ABI3BP: variants seen among roughly 807,000 people sequenced by gnomAD.
ABI3BP encodes ABI family member 3 binding protein.
A neutral mutation model predicts 268.6 loss-of-function variants in ABI3BP; 216 were observed. The observed-to-expected ratio is 0.80, with a 90% CI of 0.72 to 0.90. The LOEUF is 0.90. Among genes scored for constraint, ABI3BP ranks in the 40% least tolerant of loss-of-function variants. ABI3BP has a pLI of 0.00. For missense variants in ABI3BP, 2,090 were observed against 2,182.4 expected, an observed-to-expected ratio of 0.96 and a Z score of 0.84; for synonymous variants, 730 against 730.0, an observed-to-expected ratio of 1.00 and a Z score of 0.00.
chr3:100,826,159 G>A lies in ABI3BP; in HGVS notation c.2603-315C>T, dbSNP rs527662941. Among the ~76,000 whole-genome samples, 185 of 152,286 alleles carry A rather than the reference G, an allele frequency of 1.2e-3. 1 individual carries two copies. Among genetic ancestry groups the A allele is most frequent in the Non-Finnish European group, 3.7e-4 (25 of 68,006 alleles). On this transcript the variant is annotated intron_variant, in intron 34 of 67. Coordinates refer to ENST00000471714, the MANE Select transcript of ABI3BP (RefSeq NM_001375547.2). Reference sequence around the variant, plus strand: ...CATGAGCTGCACACACAGAGGAAAGGCCATGTGAGGATACAGTGAGAAGGT... The same window carrying A: ...CATGAGCTGCACACACAGAGGAAAGACCATGTGAGGATACAGTGAGAAGGT...
chr3:100,789,255 A>G (rs2097133057), intron 56 of ABI3BP, among the ~76,000 whole-genome samples, 199 bp downstream of exon 56: 1 of 152,066 alleles, frequency 6.6e-6, no homozygotes. Flanking sequence ...TCTGCATCTG[A>G]TTATCCTCAA....
rs555131947 is a variant in ABI3BP at position 100,836,789 on chromosome 3, C to T, written c.2131+335G>A. Reference sequence around the variant, plus strand: ...TCCAACCAGCTTTTTCATTGCTCCCCTCCCACATCCATAAATTGTACCCAC... The same window carrying T: ...TCCAACCAGCTTTTTCATTGCTCCCTTCCCACATCCATAAATTGTACCCAC... On this transcript the variant is annotated intron_variant, in intron 27 of 67. Coordinates refer to ENST00000471714, the MANE Select transcript of ABI3BP (RefSeq NM_001375547.2). Among the ~76,000 whole-genome samples, 7 of 152,286 alleles carry T rather than the reference C, an allele frequency of 4.6e-5. No individual in the cohort carries two copies. In the Middle Eastern group the frequency reaches 0.017, roughly 370 times the overall value.
intron 1 of ABI3BP, among the ~76,000 whole-genome samples, chr3:100,938,256 TC>T (rs1447251898): frequency 1.3e-5 from 2 of 150,828 alleles, no homozygotes; most frequent in Non-Finnish European, 2.9e-5. Context: ...GACATGAGTT[TC>T]CCTATATAAC....
At position 100,929,868 on chromosome 3, in the gene ABI3BP, G is replaced by C. The variant is rs537309576; in HGVS notation, c.80-3387C>G. ...TTGACTCTTTCAGTGTCAGCAAAAA[G>C]GTTAAGCAAGTTTTTTTTTCCTTCA... On this transcript the variant is annotated intron_variant, in intron 1 of 67. Coordinates refer to ENST00000471714, the MANE Select transcript of ABI3BP (RefSeq NM_001375547.2). Among the ~76,000 whole-genome samples the C allele has an allele frequency of 3.3e-4, 50 of 151,982 alleles. 1 individual carries two copies. Among genetic ancestry groups the C allele is most frequent in the African/African-American group, 1.1e-3 (46 of 41,486 alleles).
intron 61 of ABI3BP, among the ~76,000 whole-genome samples, 189 bp downstream of exon 61, chr3:100,774,416 A>G (rs1325577411): frequency 6.6e-6 from 1 of 152,220 alleles, no homozygotes; most frequent in Non-Finnish European, 1.5e-5. Context: ...TGCTAGAAGC[A>G]GAACCACTAA....
intron 36 of ABI3BP, among the ~76,000 whole-genome samples, chr3:100,824,197 C>T (rs1180545469): frequency 1.3e-5 from 2 of 152,142 alleles, no homozygotes; most frequent in Non-Finnish European, 2.9e-5. Context: ...TTGATGTACC[C>T]TTCCAAATGC....
intron 17 of ABI3BP, among the ~76,000 whole-genome samples, 181 bp downstream of exon 17, chr3:100,849,864 C>A (rs557355398): frequency 1.3e-5 from 2 of 152,254 alleles, no homozygotes; most frequent in Admixed American, 6.5e-5. Context: ...TGTGAAAATT[C>A]TTTAAGGATA....
chr3:100,961,307 G>A (rs777374979), intron 1 of ABI3BP, among the ~76,000 whole-genome samples: 11 of 152,180 alleles, frequency 7.2e-5, no homozygotes, highest in Non-Finnish European at 2.9e-5. Flanking sequence ...ATAACAAACA[G>A]AAAATTAGCA....
intron 31 of ABI3BP, among the ~76,000 whole-genome samples, chr3:100,830,893 C>T (rs2098480336): frequency 6.6e-6 from 1 of 152,118 alleles, no homozygotes; most frequent in African/African-American, 2.4e-5. Context: ...GTAAGATCTT[C>T]TTGTTGGTTA....
At chr3:100,948,818 T>C (rs1315415446) in intron 1 of ABI3BP, among the ~76,000 whole-genome samples, 1 of 152,092 alleles carries the variant, frequency 6.6e-6, no homozygotes, top group Non-Finnish European at 1.5e-5. Context: ...ATTATACTGG[T>C]TGAGCATCAC....
At chr3:100,867,830 T>G (rs1021377726) in intron 9 of ABI3BP, among the ~76,000 whole-genome samples, 1 of 152,130 alleles carries the variant, frequency 6.6e-6, no homozygotes, top group African/African-American at 2.4e-5. Context: ...ATCTTCTCTT[T>G]TAATCTCTGT....
chr3:100,928,023 C>G (rs1325893593), intron 1 of ABI3BP, among the ~76,000 whole-genome samples: 1 of 150,398 alleles, frequency 6.6e-6, no homozygotes, highest in Non-Finnish European at 1.5e-5. Flanking sequence ...TGAGGCCATT[C>G]AATCTTTCTT....
At chr3:100,970,869 C>A (rs2083301667) in intron 1 of ABI3BP, among the ~76,000 whole-genome samples, 2 of 152,196 alleles carry the variant, frequency 1.3e-5, no homozygotes, top group Admixed American at 1.3e-4. Flanking sequence ...GTTACTTCAT[C>A]TCAGTATCCA....
At position 100,993,273 on chromosome 3, in the gene ABI3BP, T is replaced by C. The variant is rs1281321443; in HGVS notation, c.79+33A>G. 2.1e-6 allele frequency: 3 copies of C among 1,410,662 alleles called. No homozygotes were observed. In the African/African-American group the frequency reaches 4.3e-5, roughly 20 times the overall value. 87.4% of individuals were successfully genotyped at this position (1,410,662 alleles called of 1,614,324 possible). A position where few individuals can be genotyped will look rare whatever the true frequency, so the allele number is the denominator to read the frequency against. ...TTTAAAAACATCTATATCTTAATAT[T>C]ATTTTTAAAACATAAAACATCAGGC... is the stretch of plus-strand genomic sequence containing the variant. On this transcript the variant is annotated intron_variant, in intron 1 of 67. Transcript: ENST00000471714.
At chr3:100,990,407 G>T (rs1264357560) in intron 1 of ABI3BP, among the ~76,000 whole-genome samples, 2 of 151,914 alleles carry the variant, frequency 1.3e-5, no homozygotes, top group Non-Finnish European at 2.9e-5. Context: ...TAGTCATTTA[G>T]TGGTGGGGAG....
intron 50 of ABI3BP, among the ~76,000 whole-genome samples, chr3:100,806,664 C>T (rs1381022432): frequency 7.9e-5 from 12 of 151,980 alleles, no homozygotes; most frequent in Admixed American, 2.6e-4. Context: ...AGCTACTTTC[C>T]GCAAGAGATG....
At chr3:100,973,362 G>A (rs758782746) in intron 1 of ABI3BP, among the ~76,000 whole-genome samples, 1 of 152,140 alleles carries the variant, frequency 6.6e-6, no homozygotes, top group Non-Finnish European at 1.5e-5. Context: ...TAGAAACAAC[G>A]GTTTGGCTAA....
chr3:100,859,842 T>C (rs551098090), intron 14 of ABI3BP, among the ~76,000 whole-genome samples: 1 of 152,254 alleles, frequency 6.6e-6, no homozygotes, highest in East Asian at 1.9e-4. Flanking sequence ...CACCCGATGA[T>C]TCTTACTGGT....
At chr3:100,866,127 A>T (rs1208067404) in intron 10 of ABI3BP, among the ~76,000 whole-genome samples, 1 of 152,204 alleles carries the variant, frequency 6.6e-6, no homozygotes, top group Non-Finnish European at 1.5e-5. Flanking sequence ...ATTTCAAGTT[A>T]TAGGATTTTG....
Sources: allele counts gnomAD v4.1 joint callset (sites outside exome capture counted in the v4.1 genomes callset), GRCh38; gene constraint gnomAD v4.1.1; transcripts MANE v1.5; gene names NCBI Gene and HGNC (gene_info 2026-07-23, HGNC 2026-07-21).